WNT3: variants seen among roughly 807,000 people sequenced by gnomAD.
The protein encoded by WNT3 is proto-oncogene Wnt-3.
WNT3 carries 7 observed loss-of-function variants against 34.2 expected under a neutral mutation model. That is an observed-to-expected ratio of 0.20 (90% CI 0.12 to 0.38). WNT3 has a LOEUF of 0.38. Ranked by LOEUF, WNT3 falls within the 10% of genes least tolerant of loss-of-function variation. The pLI, the probability that WNT3 is intolerant of heterozygous loss-of-function variation, is 1.00. For synonymous variants in WNT3, 212 were observed against 211.5 expected (o/e 1.00, Z -0.02); for missense variants, 267 against 499.8 (o/e 0.53, Z 4.44).
chr17:46,779,053 T>TCACTCA (rs1555683627), intron 1 of WNT3, among the ~76,000 whole-genome samples: 10 of 100,668 alleles, frequency 9.9e-5, no homozygotes, highest in Admixed American at 7.1e-4. Context: ...CCCTACCCCA[T>TCACTCA]CACACACACA....
chr17:46,811,933 G>C (rs375693031), intron 1 of WNT3, among the ~76,000 whole-genome samples: 19 of 152,288 alleles, frequency 1.2e-4, no homozygotes, highest in Middle Eastern at 6.8e-3. Flanking sequence ...CTCCAGCCTG[G>C]GCGACAGAGC....
At position 46,768,751 on chromosome 17, in the gene WNT3, C is replaced by G; in HGVS notation, c.637G>C (p.Gly213Arg). The change falls in exon 4 of 5, where the codon GGC becomes CGC. Residue 213 changes from glycine to arginine, a missense_variant. This residue lies in a region of WNT3 where 181 missense variants were observed against 391.3 expected (regional missense o/e 0.46). Coordinates refer to ENST00000225512, the MANE Select transcript of WNT3 (RefSeq NM_030753.5). The surrounding 1 kb of genome is among the most constrained non-coding windows in gnomAD (Gnocchi z 5.0). ...HLKCKCHGLS[G>R]SCEVKTCWWA... ...CAGCAGGTCTTCACCTCACAGCTGC[C>G]CGACAGCCCGTGGCACTTGCATTTG... is the stretch of plus-strand genomic sequence containing the variant. 1 of 1,614,094 alleles carries G rather than the reference C, an allele frequency of 6.2e-7. No homozygotes were observed. Among genetic ancestry groups the G allele is most frequent in the Non-Finnish European group, 8.5e-7 (1 of 1,180,032 alleles).
intron 1 of WNT3, among the ~76,000 whole-genome samples, chr17:46,793,304 A>AG (rs1262262986): frequency 8.0e-6 from 1 of 124,392 alleles, no homozygotes; most frequent in Non-Finnish European, 1.7e-5. Flanking sequence ...AAAAAAAATG[A>AG]GGGGAGACAT....
At chr17:46,771,511 G>A (rs1239783686) in intron 2 of WNT3, among the ~76,000 whole-genome samples, 1 of 149,304 alleles carries the variant, frequency 6.7e-6, no homozygotes, top group Admixed American at 6.6e-5. Context: ...GCGGGGGCGG[G>A]GCGGGGATTA....
intron 1 of WNT3, among the ~76,000 whole-genome samples, chr17:46,804,330 G>C (rs1443562380): frequency 6.6e-6 from 1 of 152,070 alleles, no homozygotes; most frequent in Non-Finnish European, 1.5e-5. Context: ...CAAGTGATCT[G>C]CCTGCCTCGG....
intron 1 of WNT3, among the ~76,000 whole-genome samples, chr17:46,814,915 A>C (rs1464767178): frequency 6.6e-6 from 1 of 152,142 alleles, no homozygotes; most frequent in Non-Finnish European, 1.5e-5. Flanking sequence ...GGATGGCGAG[A>C]ACTCAGGTGT....
rs184103688 is a variant in WNT3, at chr17:46,773,969, A to C, written c.81-60T>G. The C allele has an allele frequency of 8.2e-6, 13 of 1,578,946 alleles. No individual in the cohort carries two copies. In the African/African-American group the frequency reaches 1.1e-4, roughly 13 times the overall value. ...ACAAAGCACAGAGCCCATCCTGGGC[A>C]CCATGGCCGCTTTGTGAACCCTCCG... On this transcript the variant is annotated intron_variant, in intron 1 of 4. Coordinates refer to ENST00000225512, the MANE Select transcript of WNT3 (RefSeq NM_030753.5).
Position 46,768,704 on chromosome 17 carries a change from A to C in WNT3, c.684T>G (p.Arg228=). 6.2e-7 allele frequency: 1 copy of C among 1,614,100 alleles called. No homozygotes were observed. Among genetic ancestry groups the C allele is most frequent in the Non-Finnish European group, 8.5e-7 (1 of 1,180,032 alleles). Residue 228 remains arginine (R), a synonymous_variant, in exon 4 of 5, where the codon CGT becomes CGG. Transcript: ENST00000225512. This position sits in a 1 kb window ranked among gnomAD's most constrained non-coding sequence, Gnocchi z 5.0. ...TGTCCTTGAGGAAGTCACCGATGGC[A>C]CGGAAGTCAGGCTGCGCCCACCAGC... ...KTCWWAQPDF[R]AIGDFLKDKY...
At chr17:46,801,348 G>A (rs760883465) in intron 1 of WNT3, among the ~76,000 whole-genome samples, 9 of 152,220 alleles carry the variant, frequency 5.9e-5, no homozygotes, top group Non-Finnish European at 1.3e-4. Context: ...GGCCGGGCAC[G>A]GTGGCTCACG....
chr17:46,773,551 C>T, intron 2 of WNT3, 117 bp downstream of exon 2: 13 of 1,220,078 alleles, frequency 1.1e-5, no homozygotes, highest in Non-Finnish European at 1.5e-5. Context: ...AATTTATCAC[C>T]CTCCCAGAGG....
Position 46,768,402 on chromosome 17 carries a change from T to C in WNT3, c.986A>G (p.Lys329Arg). ...GCACCAGTGGAAGATGCAGTGGCATTTTTCCTTCCGCTTCTCCGTCCTCGT... is the reference window on the plus strand; with the variant it reads ...GCACCAGTGGAAGATGCAGTGGCATCTTTCCTTCCGCTTCTCCGTCCTCGT... Reference protein sequence around the residue: ...HNTRTEKRKEKCHCIFHWCCY... With the variant: ...HNTRTEKRKERCHCIFHWCCY... Residue 329 changes from lysine to arginine, a missense_variant, in exon 4 of 5, where the codon AAA becomes AGA. This residue lies in a region of WNT3 where 60 missense variants were observed against 82.7 expected (regional missense o/e 0.73). Transcript: ENST00000225512. The surrounding 1 kb of genome is among the most constrained non-coding windows in gnomAD (Gnocchi z 5.0). 1 of 1,613,870 alleles carries C rather than the reference T, an allele frequency of 6.2e-7. No individual in the cohort carries two copies. The highest frequency in any genetic ancestry group is 8.5e-7 in the Non-Finnish European group (1 of 1,180,010).
At chr17:46,799,419 C>T (rs1716351908) in intron 1 of WNT3, among the ~76,000 whole-genome samples, 1 of 151,210 alleles carries the variant, frequency 6.6e-6, no homozygotes, top group African/African-American at 2.4e-5. Context: ...TAATGATTCA[C>T]CTTCAACTCA....
At chr17:46,806,777 G>A (rs1368414280) in intron 1 of WNT3, among the ~76,000 whole-genome samples, 1 of 152,252 alleles carries the variant, frequency 6.6e-6, no homozygotes, top group Non-Finnish European at 1.5e-5. Context: ...GAGCCGGTTA[G>A]AGTTGTGAGG....
At chr17:46,767,430 G>A (rs540341250) in intron 4 of WNT3, among the ~76,000 whole-genome samples, 6 of 152,286 alleles carry the variant, frequency 3.9e-5, no homozygotes, top group African/African-American at 1.4e-4. Context: ...TTATGCTTGT[G>A]CAGGAACTTG....
At chr17:46,800,235 C>T (rs1352602182) in intron 1 of WNT3, among the ~76,000 whole-genome samples, 1 of 152,110 alleles carries the variant, frequency 6.6e-6, no homozygotes, top group Non-Finnish European at 1.5e-5. Flanking sequence ...CTTAGCCTCC[C>T]GAGTAGCTGG....
intron 1 of WNT3, among the ~76,000 whole-genome samples, chr17:46,791,502 C>T (rs958399465): frequency 6.6e-6 from 1 of 152,154 alleles, no homozygotes; most frequent in Non-Finnish European, 1.5e-5. Context: ...CCACCACGCC[C>T]GGCCTCCTCA....
chr17:46,770,537 G>A (rs994920656), intron 2 of WNT3, among the ~76,000 whole-genome samples: 6 of 152,118 alleles, frequency 3.9e-5, no homozygotes, highest in Non-Finnish European at 7.3e-5. Context: ...CCTTCCGCAC[G>A]TGGATGCATA....
At chr17:46,816,166 T>A (rs954089648) in intron 1 of WNT3, among the ~76,000 whole-genome samples, 68 of 63,488 alleles carry the variant, frequency 1.1e-3, no homozygotes, top group Admixed American at 4.1e-3. Flanking sequence ...CACACTCACA[T>A]GCCCAGTCAT....
intron 1 of WNT3, among the ~76,000 whole-genome samples, chr17:46,779,490 C>T (rs1038521122): frequency 2.6e-5 from 4 of 152,230 alleles, no homozygotes; most frequent in South Asian, 2.1e-4. Flanking sequence ...TCCTCCACTC[C>T]GACCACCCAC....
Sources: gnomAD v4.1 joint callset for allele counts (sites outside exome capture counted in the v4.1 genomes callset) on GRCh38, gnomAD v4.1.1 for gene constraint, gnomAD v4.1.1 regional missense constraint, Gnocchi (gnomAD v3.1) non-coding constraint, MANE v1.5 for transcripts, NCBI Gene and HGNC (gene_info 2026-07-23, HGNC 2026-07-21) for gene names.